The following NSUN3 variants were observed in gnomAD, a reference collection of about 807,000 sequenced individuals.
NSUN3 encodes NOP2/Sun RNA methyltransferase 3, also known as tRNA (cytosine(34)-C(5))-methyltransferase, mitochondrial.
In NSUN3, 24 loss-of-function variants were observed where a neutral mutation model predicts 36.8. The observed-to-expected ratio is 0.65, with a 90% CI of 0.47 to 0.92. The LOEUF (loss-of-function observed/expected upper bound fraction) is 0.92. Ranked by LOEUF, NSUN3 falls within the 40% of genes least tolerant of loss-of-function variation. The pLI is 0.00. For synonymous variants in NSUN3, 146 were observed against 145.2 expected (o/e 1.01, Z -0.04); for missense variants, 381 against 392.8 (o/e 0.97, Z 0.25).
chr3:94,096,039 G>T (rs953329674), intron 5 of NSUN3, among the ~76,000 whole-genome samples: 2 of 151,332 alleles, frequency 1.3e-5, no homozygotes, highest in African/African-American at 4.9e-5. Context: ...GATTACAGGC[G>T]TGAGCCACCA....
intron 5 of NSUN3, among the ~76,000 whole-genome samples, chr3:94,121,652 A>C (rs1309514376): frequency 6.6e-6 from 1 of 152,144 alleles, no homozygotes; most frequent in South Asian, 2.1e-4. Context: ...ACATAGAAAA[A>C]GTTTTTTTAG....
chr3:94,130,593 C>A lies in NSUN3; in HGVS notation c.*4103C>A, dbSNP rs986307043. On this transcript the variant is annotated 3_prime_UTR_variant, in exon 6 of 6. Transcript: ENST00000314622. ...CTTGTAACATGTTATTTTCTTAGAT[C>A]ACTGGTTTCTCAGAACATGTCTTTC... Among the ~76,000 whole-genome samples, 18 of 152,256 alleles carry A rather than the reference C, an allele frequency of 1.2e-4. No individual in the cohort carries two copies. The highest frequency in any genetic ancestry group is 4.3e-4 in the African/African-American group (18 of 41,546).
intron 3 of NSUN3, among the ~76,000 whole-genome samples, chr3:94,087,831 G>A (rs759489309): frequency 1.3e-5 from 2 of 152,066 alleles, no homozygotes; most frequent in African/African-American, 4.8e-5. Flanking sequence ...ACCAAACCTG[G>A]CTAATTTTTG....
At position 94,084,434 on chromosome 3, in the gene NSUN3, G is replaced by T. The variant is rs1297275281; in HGVS notation, c.450G>T (p.Leu150=). 3 of 1,612,946 alleles carry T rather than the reference G, an allele frequency of 1.9e-6. No individual in the cohort carries two copies. The highest frequency in any genetic ancestry group is 2.5e-6 in the Non-Finnish European group (3 of 1,179,410). ...CTGGAGGGAAATCAATAGCTCTGCT[G>T]CAGTGTGCTTGTCCAGGTAGTGTGC... The part of the protein sequence containing the change: ...AAPGGKSIAL[L]QCACPGYLHC... The change falls in exon 3 of 6, where the codon CTG becomes CTT. Residue 150 remains leucine, a synonymous_variant. Transcript: ENST00000314622.
At chr3:94,066,308 T>C (rs148134113) in intron 2 of NSUN3, among the ~76,000 whole-genome samples, 59 of 152,288 alleles carry the variant, frequency 3.9e-4, no homozygotes, top group African/African-American at 1.3e-3. Flanking sequence ...AAATTTGCCA[T>C]AGGCAAAATA....
At chr3:94,122,344 C>T (rs1039898852) in intron 5 of NSUN3, among the ~76,000 whole-genome samples, 6 of 152,088 alleles carry the variant, frequency 3.9e-5, no homozygotes, top group African/African-American at 1.4e-4. Flanking sequence ...CAGTCTTAGT[C>T]CTCAGAGGCA....
intron 5 of NSUN3, among the ~76,000 whole-genome samples, chr3:94,099,823 A>T (rs2077357856): frequency 6.6e-6 from 1 of 151,304 alleles, no homozygotes; most frequent in Non-Finnish European, 1.5e-5. Context: ...AAAAGACTAT[A>T]GCACTTTTAT....
chr3:94,107,974 C>CTTTTTTT (rs11437686), intron 5 of NSUN3, among the ~76,000 whole-genome samples: 3 of 114,460 alleles, frequency 2.6e-5, no homozygotes, highest in Non-Finnish European at 3.4e-5. Context: ...TTTTTTTTTC[C>CTTTTTTT]TTTTTTTTTT....
chr3:94,074,616 G>C lies in NSUN3; in HGVS notation c.123-9491G>C, dbSNP rs569527012. On this transcript the variant is annotated intron_variant, in intron 2 of 5. Transcript: ENST00000314622. ...TTTGGCTGTCTGTTTGTCTGTTATT[G>C]GTATATAGGAATGCTTGTGATTTTT... Among the ~76,000 whole-genome samples the C allele has an allele frequency of 3.9e-5, 6 of 152,182 alleles. No individual in the cohort carries two copies. The East Asian group carries it at 1.2e-3, about 29-fold the overall frequency.
At chr3:94,095,222 G>A (rs1472150077) in intron 5 of NSUN3, 68 bp downstream of exon 5, 6 of 1,496,548 alleles carry the variant, frequency 4.0e-6, no homozygotes, top group South Asian at 1.2e-5. Flanking sequence ...AATAGAACAT[G>A]TCAGGCCCCC....
chr3:94,088,254 G>C (rs779527157), intron 3 of NSUN3, among the ~76,000 whole-genome samples: 3 of 152,182 alleles, frequency 2.0e-5, no homozygotes, highest in Non-Finnish European at 4.4e-5. Flanking sequence ...GCTAAGGATT[G>C]TGTTAATCAC....
chr3:94,072,731 T>C (rs1355713530), intron 2 of NSUN3, among the ~76,000 whole-genome samples: 1 of 152,148 alleles, frequency 6.6e-6, no homozygotes, highest in East Asian at 1.9e-4. Flanking sequence ...AGGCCTTATT[T>C]TGTCTAGTCA....
intron 5 of NSUN3, among the ~76,000 whole-genome samples, chr3:94,105,146 A>G (rs2077383514): frequency 6.6e-6 from 1 of 152,324 alleles, no homozygotes; most frequent in East Asian, 1.9e-4. Flanking sequence ...TGACCTGGCT[A>G]TTTTGGGAAA....
intron 3 of NSUN3, chr3:94,084,692 A>G: frequency 4.9e-6 from 2 of 409,648 alleles, no homozygotes; most frequent in Non-Finnish European, 8.7e-6. Context: ...CGCAAATACA[A>G]ATCTGTCAGA....
In NSUN3 at chr3:94,084,309, A is replaced by C; in HGVS notation, c.325A>C (p.Asn109His). The C allele has an allele frequency of 6.2e-7, 1 of 1,614,116 alleles. No individual in the cohort carries two copies. Among genetic ancestry groups the C allele is most frequent in the South Asian group, 1.1e-5 (1 of 91,078 alleles). Residue 109 changes from asparagine (N) to histidine (H), a missense_variant, in exon 3 of 6, where the codon AAC (asparagine) becomes CAC (histidine). Asn to His is a moderately conservative substitution (Grantham distance 68). Transcript: ENST00000314622. Reference protein sequence around the residue: ...RIPSERHQIGNLKKYYLLNAA... With the variant: ...RIPSERHQIGHLKKYYLLNAA... ...CCCTTCAGAAAGACACCAAATTGGA[A>C]ACCTGAAAAAATATTATCTCCTAAA...
chr3:94,087,108 G>A (rs1488300326), intron 3 of NSUN3, among the ~76,000 whole-genome samples: 1 of 152,104 alleles, frequency 6.6e-6, no homozygotes, highest in Non-Finnish European at 1.5e-5. Flanking sequence ...TATATCAAGG[G>A]CAATGAACTA....
chr3:94,113,453 G>A (rs778091836), intron 5 of NSUN3, among the ~76,000 whole-genome samples: 1 of 151,984 alleles, frequency 6.6e-6, no homozygotes, highest in African/African-American at 2.4e-5. Flanking sequence ...CACACTTAAC[G>A]TCAGGTAAAA....
At chr3:94,106,596 A>G (rs1430087426) in intron 5 of NSUN3, among the ~76,000 whole-genome samples, 1 of 152,198 alleles carries the variant, frequency 6.6e-6, no homozygotes, top group African/African-American at 2.4e-5. Flanking sequence ...CATCTATTTG[A>G]TAGATTGTAC....
At chr3:94,114,236 C>T (rs540404800) in intron 5 of NSUN3, among the ~76,000 whole-genome samples, 2 of 152,146 alleles carry the variant, frequency 1.3e-5, no homozygotes, top group Non-Finnish European at 2.9e-5. Context: ...ATAGTATTTG[C>T]TTCAGGGCAC....
Sources: allele counts gnomAD v4.1 joint callset (sites outside exome capture counted in the v4.1 genomes callset), GRCh38; gene constraint gnomAD v4.1.1; transcripts MANE v1.5; gene names NCBI Gene and HGNC (gene_info 2026-07-23, HGNC 2026-07-21).